Variants in ZBTB20 observed in about 807,000 individuals in gnomAD.
The protein encoded by ZBTB20 is zinc finger and BTB domain-containing protein 20.
A neutral mutation model predicts 56.9 loss-of-function variants in ZBTB20; 9 were observed. That is an observed-to-expected ratio of 0.16 (90% CI 0.10 to 0.28). The LOEUF (loss-of-function observed/expected upper bound fraction) is 0.28, where lower values mean the gene tolerates loss of function less well. Among genes scored for constraint, ZBTB20 ranks in the 10% least tolerant of loss-of-function variants. The pLI, the probability that ZBTB20 is intolerant of heterozygous loss-of-function variation, is 1.00. For missense variants in ZBTB20, 655 were observed against 1,003.0 expected, an observed-to-expected ratio of 0.65 and a Z score of 4.69; for synonymous variants, 417 against 420.7, an observed-to-expected ratio of 0.99 and a Z score of 0.11.
intron 1 of ZBTB20, among the ~76,000 whole-genome samples, chr3:115,124,195 A>G (rs1424228250): frequency 6.6e-6 from 1 of 152,220 alleles, no homozygotes; most frequent in Admixed American, 6.5e-5. Flanking sequence ...ATGTAAGTGA[A>G]TAGTATATGT....
intron 11 of ZBTB20, 64 bp downstream of exon 11, chr3:114,350,210 T>TAGA: frequency 6.5e-7 from 1 of 1,537,306 alleles, no homozygotes; most frequent in Non-Finnish European, 8.8e-7. Context: ...CCTGCTCTCT[T>TAGA]ACCTTGCCTT....
Position 114,860,381 on chromosome 3 carries a change from C to A in ZBTB20, c.-417+39923G>T, listed in dbSNP as rs115901350. On this transcript the variant is annotated intron_variant, in intron 4 of 11. Coordinates refer to ENST00000675478, the MANE Select transcript of ZBTB20 (RefSeq NM_001348800.3). ...GTTTTACAAAATGATTTGCTATAGGCCTTCATGGGGGAGATGGCAATCCCT... is the reference window on the plus strand; with the variant it reads ...GTTTTACAAAATGATTTGCTATAGGACTTCATGGGGGAGATGGCAATCCCT... Among the ~76,000 whole-genome samples, 732 of 152,022 alleles carry A rather than the reference C, an allele frequency of 4.8e-3. 3 individuals are homozygous for A. Among genetic ancestry groups the A allele is most frequent in the South Asian group, 0.025 (119 of 4,808 alleles).
intron 6 of ZBTB20, among the ~76,000 whole-genome samples, chr3:114,558,885 T>C (rs1328476257): frequency 6.6e-6 from 1 of 152,166 alleles, no homozygotes; most frequent in Non-Finnish European, 1.5e-5. Context: ...CCTCAAGGCC[T>C]TTGAAGTTGC....
Position 114,495,647 on chromosome 3 carries a change from T to G in ZBTB20, c.-255+4705A>C, listed in dbSNP as rs578110072. 4.6e-5 allele frequency among the ~76,000 whole-genome samples: 7 copies of G among 152,206 alleles called. No individual in the cohort carries two copies. The South Asian group carries it at 1.5e-3, about 32-fold the overall frequency. On this transcript the variant is annotated intron_variant, in intron 7 of 11. Transcript: ENST00000675478. ...CAGAGGGAGGTAATATTCCTGGCTA[T>G]AGTCGATTGGTGTTCAGAGTGTTTT... is the stretch of plus-strand genomic sequence containing the variant.
chr3:114,934,833 T>C (rs980665487), intron 3 of ZBTB20, among the ~76,000 whole-genome samples: 1 of 152,240 alleles, frequency 6.6e-6, no homozygotes, highest in African/African-American at 2.4e-5. Flanking sequence ...TTTTAACATA[T>C]AATTGTTAAT....
At chr3:114,431,736 G>C (rs2090139622) in intron 7 of ZBTB20, among the ~76,000 whole-genome samples, 1 of 152,094 alleles carries the variant, frequency 6.6e-6, no homozygotes. Flanking sequence ...CTAAAGTTCT[G>C]GGTATTTGTC....
At chr3:114,913,313 T>G (rs1184397608) in intron 3 of ZBTB20, among the ~76,000 whole-genome samples, 1 of 152,126 alleles carries the variant, frequency 6.6e-6, no homozygotes, top group Non-Finnish European at 1.5e-5. Flanking sequence ...GTAGTTTTGA[T>G]TTGCATTTCT....
intron 3 of ZBTB20, among the ~76,000 whole-genome samples, chr3:114,916,336 T>C (rs2107733421): frequency 6.6e-6 from 1 of 152,280 alleles, no homozygotes; most frequent in Middle Eastern, 3.4e-3. Flanking sequence ...AGTTTTTGTC[T>C]TGAAATCTGT....
intron 6 of ZBTB20, among the ~76,000 whole-genome samples, chr3:114,571,551 G>C (rs1457967268): frequency 6.6e-6 from 1 of 152,116 alleles, no homozygotes; most frequent in East Asian, 1.9e-4. Context: ...TGTTAACAAA[G>C]CCACAGAGTG....
intron 3 of ZBTB20, among the ~76,000 whole-genome samples, chr3:114,912,635 A>G (rs1277830705): frequency 6.6e-6 from 1 of 151,912 alleles, no homozygotes. Flanking sequence ...TAGTTATTTT[A>G]AAATATACAA....
intron 5 of ZBTB20, among the ~76,000 whole-genome samples, chr3:114,763,410 C>A (rs2068568950): frequency 6.6e-6 from 1 of 152,146 alleles, no homozygotes; most frequent in Non-Finnish European, 1.5e-5. Flanking sequence ...TTCTATGTCT[C>A]AGTTTACTTT....
chr3:114,736,340 G>A (rs1191470624), intron 5 of ZBTB20, among the ~76,000 whole-genome samples: 1 of 151,910 alleles, frequency 6.6e-6, no homozygotes, highest in African/African-American at 2.4e-5. Context: ...TCTAAAAGCC[G>A]GTTGCTTTCT....
chr3:114,450,589 G>GAAC (rs2091544739), intron 7 of ZBTB20, among the ~76,000 whole-genome samples: 2 of 152,048 alleles, frequency 1.3e-5, no homozygotes, highest in African/African-American at 4.8e-5. Flanking sequence ...AAAACTATGG[G>GAAC]TTTAAAGAAT....
At chr3:115,140,535 G>A (rs904634946) in intron 1 of ZBTB20, among the ~76,000 whole-genome samples, 3 of 151,884 alleles carry the variant, frequency 2.0e-5, no homozygotes, top group East Asian at 1.9e-4. Flanking sequence ...GTGTGAGTGC[G>A]AGAGAGTGTG....
chr3:114,542,538 TA>T (rs1362759236), intron 6 of ZBTB20, among the ~76,000 whole-genome samples: 2 of 152,216 alleles, frequency 1.3e-5, no homozygotes, highest in East Asian at 1.9e-4. Flanking sequence ...AGACAGGAAT[TA>T]AAGAGGAGGG....
chr3:114,719,929 G>A (rs1288258523), intron 5 of ZBTB20, among the ~76,000 whole-genome samples: 1 of 152,000 alleles, frequency 6.6e-6, no homozygotes, highest in East Asian at 1.9e-4. Context: ...TCCTCCCAGT[G>A]AGTAGCTTTC....
intron 6 of ZBTB20, among the ~76,000 whole-genome samples, chr3:114,627,847 A>G (rs565509169): frequency 2.6e-4 from 39 of 152,076 alleles, no homozygotes; most frequent in Non-Finnish European, 4.1e-4. Context: ...TTCACTCCCC[A>G]CAGATGCTGA....
intron 6 of ZBTB20, among the ~76,000 whole-genome samples, chr3:114,607,717 C>T (rs909895644): frequency 2.0e-5 from 3 of 152,138 alleles, no homozygotes; most frequent in Non-Finnish European, 4.4e-5. Context: ...CAACCCAGAA[C>T]CAGAAAATAA....
At chr3:115,128,966 T>G (rs2084422136) in intron 1 of ZBTB20, among the ~76,000 whole-genome samples, 7 of 151,846 alleles carry the variant, frequency 4.6e-5, no homozygotes, top group Admixed American at 4.6e-4. Flanking sequence ...TGGCGTGGTG[T>G]CGGGCGCCTG....
Sources: allele counts gnomAD v4.1 joint callset (sites outside exome capture counted in the v4.1 genomes callset), GRCh38; gene constraint gnomAD v4.1.1; transcripts MANE v1.5; gene names NCBI Gene and HGNC (gene_info 2026-07-23, HGNC 2026-07-21).